Variants in CMPK1 observed in about 807,000 individuals in gnomAD.
CMPK1 encodes the protein UMP-CMP kinase.
In CMPK1, 10 loss-of-function variants were observed where a neutral mutation model predicts 25.7. The observed-to-expected ratio is 0.39, with a 90% CI of 0.24 to 0.66. The LOEUF is 0.66. Ranked by LOEUF, CMPK1 falls within the 30% of genes least tolerant of loss-of-function variation. The pLI, the probability that CMPK1 is intolerant of heterozygous loss-of-function variation, is 0.48. For synonymous variants in CMPK1, 106 were observed against 101.5 expected, an observed-to-expected ratio of 1.04 and a Z score of -0.27; for missense variants, 199 against 280.5, an observed-to-expected ratio of 0.71 and a Z score of 2.08.
chr1:47,361,782 T>C (rs1646603728), intron 1 of CMPK1, among the ~76,000 whole-genome samples: 1 of 152,176 alleles, frequency 6.6e-6, no homozygotes, highest in South Asian at 2.1e-4. Context: ...GGGAAAAACA[T>C]TGAGGAAAAT....
chr1:47,349,968 C>G (rs996331887), intron 1 of CMPK1, among the ~76,000 whole-genome samples: 5 of 152,116 alleles, frequency 3.3e-5, no homozygotes, highest in African/African-American at 9.7e-5. Flanking sequence ...CCACGCCCAG[C>G]TAATTTTTTG....
At chr1:47,356,483 T>C (rs1646561652) in intron 1 of CMPK1, among the ~76,000 whole-genome samples, 1 of 152,184 alleles carries the variant, frequency 6.6e-6, no homozygotes, top group Non-Finnish European at 1.5e-5. Context: ...TTTTGGCCAT[T>C]CACTCACATT....
At chr1:47,374,382 C>A (rs1280083616) in intron 3 of CMPK1, among the ~76,000 whole-genome samples, 3 of 152,096 alleles carry the variant, frequency 2.0e-5, no homozygotes, top group Non-Finnish European at 1.5e-5. Context: ...AAACGTAACT[C>A]TCTTCTTCCA....
chr1:47,337,687 C>G (rs1052368019), intron 1 of CMPK1, among the ~76,000 whole-genome samples: 1 of 150,976 alleles, frequency 6.6e-6, no homozygotes, highest in African/African-American at 2.4e-5. Flanking sequence ...AATCTTGGCT[C>G]GCTGCAGCCT....
At chr1:47,360,144 A>T (rs1352740831) in intron 1 of CMPK1, among the ~76,000 whole-genome samples, 1 of 152,202 alleles carries the variant, frequency 6.6e-6, no homozygotes, top group African/African-American at 2.4e-5. Flanking sequence ...CCTATCCATT[A>T]ATGCTGGAAG....
At chr1:47,353,213 C>G (rs1646534911) in intron 1 of CMPK1, among the ~76,000 whole-genome samples, 1 of 152,208 alleles carries the variant, frequency 6.6e-6, no homozygotes, top group Admixed American at 6.5e-5. Flanking sequence ...TAATTTTAAA[C>G]TCAAATGTCT....
chr1:47,370,959 A>AAAAAAAAT (rs1553120515), intron 2 of CMPK1, among the ~76,000 whole-genome samples: 1 of 149,246 alleles, frequency 6.7e-6, no homozygotes, highest in Non-Finnish European at 1.5e-5. Flanking sequence ...TCCGCCTCAA[A>AAAAAAAAT]AAATAAATAA....
chr1:47,347,751 G>A (rs1454539307), intron 1 of CMPK1, among the ~76,000 whole-genome samples: 1 of 152,050 alleles, frequency 6.6e-6, no homozygotes, highest in Admixed American at 6.6e-5. Flanking sequence ...TCAGCCTCCC[G>A]AGTAGCTAGG....
chr1:47,338,067 A>G (rs34952704), intron 1 of CMPK1, among the ~76,000 whole-genome samples: 57,415 of 151,958 alleles, frequency 0.38, 13,612 homozygotes, highest in Non-Finnish European at 0.5. Context: ...AAAAAATTAC[A>G]TAAATCCACG....
In CMPK1 at chr1:47,378,183, A is replaced by G. The variant is rs1270980991; in HGVS notation, c.*1438A>G. On this transcript the variant is annotated 3_prime_UTR_variant, in exon 6 of 6. Transcript: ENST00000371873. ...TTCTATGTGTTATGAAATTCACTTA[A>G]TGATAAATTTTTCAACATACTTGCC... 3.9e-5 allele frequency: 6 copies of G among 152,196 alleles called. No individual in the cohort carries two copies. The highest frequency in any genetic ancestry group is 8.8e-5 in the Non-Finnish European group (6 of 68,026). 9.4% of individuals were successfully genotyped at this position (152,196 alleles called of 1,614,324 possible).
chr1:47,378,228 C>T lies in CMPK1; in HGVS notation c.*1483C>T, dbSNP rs1350272949. 6.6e-6 allele frequency: 1 copy of T among 151,964 alleles called. No individual in the cohort carries two copies. The highest frequency in any genetic ancestry group is 2.4e-5 in the African/African-American group (1 of 41,376). The allele number at this position is 151,964 out of a possible 1,614,324, so 9.4% of individuals were successfully genotyped here. A position where few individuals can be genotyped will look rare whatever the true frequency, so the allele number is the denominator to read the frequency against. ...CTTGCCATTAGAAAACAAAGTATTG[C>T]TAAGTACTATAACATATTGGCCACT... is the stretch of plus-strand genomic sequence containing the variant. On this transcript the variant is annotated 3_prime_UTR_variant, in exon 6 of 6. Coordinates refer to ENST00000371873, the MANE Select transcript of CMPK1 (RefSeq NM_016308.3).
chr1:47,372,019 C>T (rs1373224377), intron 2 of CMPK1, among the ~76,000 whole-genome samples: 1 of 152,116 alleles, frequency 6.6e-6, no homozygotes. Context: ...CATATCTTTC[C>T]AGTTATTTTT....
At chr1:47,361,434 G>C (rs111725835) in intron 1 of CMPK1, among the ~76,000 whole-genome samples, 61 of 152,200 alleles carry the variant, frequency 4.0e-4, no homozygotes, top group Admixed American at 1.6e-3. Flanking sequence ...GGCTCTTTAG[G>C]TCAAAGGCGA....
At chr1:47,352,183 A>G (rs1319289453) in intron 1 of CMPK1, among the ~76,000 whole-genome samples, 1 of 152,178 alleles carries the variant, frequency 6.6e-6, no homozygotes, top group Non-Finnish European at 1.5e-5. Flanking sequence ...TAATTGGGTT[A>G]TATATCTTCT....
At chr1:47,357,139 A>G (rs953908956) in intron 1 of CMPK1, among the ~76,000 whole-genome samples, 5 of 151,142 alleles carry the variant, frequency 3.3e-5, no homozygotes, top group African/African-American at 7.3e-5. Flanking sequence ...AATTTTTTGT[A>G]TTTTTAGTGG....
At chr1:47,347,699 C>T (rs986680817) in intron 1 of CMPK1, among the ~76,000 whole-genome samples, 16 of 152,192 alleles carry the variant, frequency 1.1e-4, no homozygotes. Context: ...AATCTCAGCT[C>T]ACTGCAACCT....
At position 47,373,080 on chromosome 1, in the gene CMPK1, C is replaced by T. The variant is rs200263279; in HGVS notation, c.444C>T (p.Phe148=). The change falls in exon 3 of 6, where the codon TTC becomes TTT. Residue 148 remains phenylalanine, a synonymous_variant. Transcript: ENST00000371873. ...KTMDGKADVS[F]VLFFDCNNEI... ...TGGATGGGAAGGCAGATGTATCTTT[C>T]GTTCTCTTTTTTGACTGTAATAATG... 9 of 1,607,744 alleles carry T rather than the reference C, an allele frequency of 5.6e-6. No homozygotes were observed. Among genetic ancestry groups the T allele is most frequent in the African/African-American group, 1.3e-5 (1 of 74,846 alleles).
At chr1:47,340,971 G>A (rs1019933605) in intron 1 of CMPK1, among the ~76,000 whole-genome samples, 2 of 151,990 alleles carry the variant, frequency 1.3e-5, no homozygotes, top group Admixed American at 6.6e-5. Flanking sequence ...TACATTATCT[G>A]GTCCACAGGA....
chr1:47,369,012 T>C (rs147463690), intron 2 of CMPK1, among the ~76,000 whole-genome samples: 1,631 of 151,340 alleles, frequency 0.011, 27 homozygotes, highest in African/African-American at 0.038. Flanking sequence ...AGATTTTTTG[T>C]TTTGTTTTGT....
Sources: allele counts gnomAD v4.1 joint callset (sites outside exome capture counted in the v4.1 genomes callset), GRCh38; gene constraint gnomAD v4.1.1; transcripts MANE v1.5; gene names NCBI Gene and HGNC (gene_info 2026-07-23, HGNC 2026-07-21).